SLC35E2B: variants seen among roughly 807,000 people sequenced by gnomAD.
SLC35E2B encodes the protein solute carrier family 35 member E2B, also known as solute carrier family 35, member E2B.
SLC35E2B carries 18 observed loss-of-function variants against 32.4 expected under a neutral mutation model. That is an observed-to-expected ratio of 0.56 (90% CI 0.38 to 0.82). The LOEUF is 0.82. Ranked by LOEUF, SLC35E2B falls within the 40% of genes least tolerant of loss-of-function variation. The pLI is 0.00. For synonymous variants in SLC35E2B, 132 were observed against 209.1 expected (o/e 0.63, Z 3.18); for missense variants, 263 against 469.5 (o/e 0.56, Z 4.06).
intron 6 of SLC35E2B, chr1:1,670,831 TC>T (rs1643668652): frequency 6.6e-6 from 1 of 152,172 alleles, no homozygotes; most frequent in Non-Finnish European, 1.5e-5. Flanking sequence ...TTCCTTTCTT[TC>T]CTCAAAAGCA....
chr1:1,669,382 T>C (rs1643626469), intron 8 of SLC35E2B, among the ~76,000 whole-genome samples: 1 of 151,938 alleles, frequency 6.6e-6, no homozygotes, highest in African/African-American at 2.4e-5. Flanking sequence ...AAAGTTTTTC[T>C]AATAAAAAAA....
chr1:1,689,159 G>A (rs1011715084), intron 2 of SLC35E2B, among the ~76,000 whole-genome samples: 9 of 151,860 alleles, frequency 5.9e-5, no homozygotes, highest in African/African-American at 1.7e-4. Context: ...CTGACAGAGC[G>A]AGACTGTCTC....
At position 1,668,457 on chromosome 1, in the gene SLC35E2B, C is replaced by G. The variant is rs746825617; in HGVS notation, c.850G>C (p.Gly284Arg). The G allele has an allele frequency of 1.9e-6, 3 of 1,613,696 alleles. No homozygotes were observed. Among genetic ancestry groups the G allele is most frequent in the Non-Finnish European group, 1.7e-6 (2 of 1,179,978 alleles). Residue 284 changes from glycine (G) to arginine (R), a missense_variant, in exon 9 of 10, where the codon GGG (glycine) becomes CGG (arginine). Transcript: ENST00000617444. ...RVFFTDVPVI[G>R]RSGKSFSYNQ... ...TAGCTGAAGCTCTTCCCACTCCTCC[C>G]GATCACTGGGACGTCCTATGTGGCA...
At chr1:1,679,232 G>A (rs886614418) in intron 2 of SLC35E2B, among the ~76,000 whole-genome samples, 3 of 152,188 alleles carry the variant, frequency 2.0e-5, no homozygotes, top group Non-Finnish European at 4.4e-5. Context: ...GTGTGCAGAC[G>A]ACGCCAGTCA....
At chr1:1,681,517 TC>T (rs1007674078) in intron 2 of SLC35E2B, among the ~76,000 whole-genome samples, 2 of 151,174 alleles carry the variant, frequency 1.3e-5, no homozygotes, top group Non-Finnish European at 2.9e-5. Flanking sequence ...TCTTTTCTTT[TC>T]TTTTTTGAGA....
intron 9 of SLC35E2B, 119 bp from the exon 10 acceptor site, chr1:1,666,138 C>T (rs910345607): frequency 2.4e-5 from 29 of 1,205,304 alleles, no homozygotes; most frequent in Middle Eastern, 2.7e-4. Context: ...CTCAGCGTCA[C>T]GGTGACATCA....
At chr1:1,688,332 C>T (rs1025891862) in intron 2 of SLC35E2B, among the ~76,000 whole-genome samples, 4 of 152,080 alleles carry the variant, frequency 2.6e-5, no homozygotes, top group Non-Finnish European at 5.9e-5. Flanking sequence ...AACGGCCGGG[C>T]GCGCTGGCTC....
chr1:1,666,155 C>T (rs966465227), intron 9 of SLC35E2B, 136 bp from the exon 10 acceptor site: 26 of 1,064,360 alleles, frequency 2.4e-5, no homozygotes, highest in Middle Eastern at 3.0e-4. Flanking sequence ...ATCAGCCCTG[C>T]GGCCAGCAGC....
Position 1,679,306 on chromosome 1 carries a change from C to T in SLC35E2B, c.-147-2460G>A, listed in dbSNP as rs116552804. Among the ~76,000 whole-genome samples the T allele has an allele frequency of 4.2e-4, 64 of 152,288 alleles. No individual in the cohort carries two copies. The South Asian group carries it at 8.5e-3, about 20-fold the overall frequency. On this transcript the variant is annotated intron_variant, in intron 2 of 9. Transcript: ENST00000617444. ...GGCAAGCATCTCCCTCTTGCCAGAA[C>T]AGTCTGTCCACTTAGCTTCCCTCTG...
intron 2 of SLC35E2B, among the ~76,000 whole-genome samples, chr1:1,679,992 T>C (rs1225903821): frequency 6.6e-6 from 1 of 151,552 alleles, no homozygotes; most frequent in Non-Finnish European, 1.5e-5. Flanking sequence ...TAGCCGGGCG[T>C]AGTGGATGCC....
At chr1:1,668,603 T>A in intron 8 of SLC35E2B, 131 bp from the exon 9 acceptor site, 2 of 1,548,108 alleles carry the variant, frequency 1.3e-6, no homozygotes, top group Non-Finnish European at 1.8e-6. Flanking sequence ...GCCCTGAAAA[T>A]GCCTCGAGCG....
chr1:1,682,616 AGG>A (rs1379254683), intron 2 of SLC35E2B, among the ~76,000 whole-genome samples: 4 of 152,076 alleles, frequency 2.6e-5, no homozygotes. Flanking sequence ...TGCCTGAAAG[AGG>A]GAATTCCAGC....
chr1:1,667,397 A>AT (rs1211923246), intron 9 of SLC35E2B, among the ~76,000 whole-genome samples: 21 of 150,680 alleles, frequency 1.4e-4, no homozygotes, highest in Admixed American at 8.7e-4. Flanking sequence ...TGGGTGAAAG[A>AT]GTGAGACTCT....
chr1:1,670,046 G>A, intron 7 of SLC35E2B, 52 bp downstream of exon 7: 1 of 1,445,526 alleles, frequency 6.9e-7, no homozygotes, highest in South Asian at 1.2e-5. Flanking sequence ...CAGTGAGCAG[G>A]AAGTCCTCTT....
rs1643504624 is a variant in SLC35E2B, at chr1:1,665,016, C to A, written c.*766G>T. On this transcript the variant is annotated 3_prime_UTR_variant, in exon 10 of 10. Transcript: ENST00000617444. Reference sequence around the variant, plus strand: ...GTCCTCAACCTCAGGGCTGGAAACCCCCACAGGTAGGAGGGCAGGGTGCCC... The same window carrying A: ...GTCCTCAACCTCAGGGCTGGAAACCACCACAGGTAGGAGGGCAGGGTGCCC... 34 of 978,996 alleles carry A rather than the reference C, an allele frequency of 3.5e-5. No homozygotes were observed. The highest frequency in any genetic ancestry group is 4.0e-5 in the Non-Finnish European group (33 of 824,202). 60.6% of individuals were successfully genotyped at this position (978,996 alleles called of 1,614,324 possible).
chr1:1,685,745 C>T (rs376064110), intron 2 of SLC35E2B, among the ~76,000 whole-genome samples: 6 of 152,244 alleles, frequency 3.9e-5, no homozygotes, highest in East Asian at 3.9e-4. Flanking sequence ...GATGTGGGTA[C>T]GCAGGTGATG....
At chr1:1,673,895 G>A (rs1466804251) in intron 5 of SLC35E2B, 2 of 146,678 alleles carry the variant, frequency 1.4e-5, no homozygotes, top group Non-Finnish European at 3.0e-5. Context: ...CCCGGGAGAT[G>A]GAGCTTGCAG....
intron 2 of SLC35E2B, among the ~76,000 whole-genome samples, chr1:1,685,718 C>T (rs545192726): frequency 2.0e-5 from 3 of 152,258 alleles, no homozygotes; most frequent in East Asian, 1.9e-4. Context: ...CCTGGGAACT[C>T]GGGTGCATGG....
intron 2 of SLC35E2B, among the ~76,000 whole-genome samples, chr1:1,679,998 A>G (rs1643886333): frequency 6.7e-6 from 1 of 150,180 alleles, no homozygotes; most frequent in African/African-American, 2.5e-5. Flanking sequence ...GGCGTAGTGG[A>G]TGCCTGTAAT....
Sources: gnomAD v4.1 joint callset for allele counts (sites outside exome capture counted in the v4.1 genomes callset) on GRCh38, gnomAD v4.1.1 for gene constraint, MANE v1.5 for transcripts, NCBI Gene and HGNC (gene_info 2026-07-23, HGNC 2026-07-21) for gene names.